The following WDR64 variants were observed in gnomAD, a reference collection of about 807,000 sequenced individuals.
WDR64 encodes the protein WD repeat-containing protein 64.
Under a neutral mutation model 139.3 loss-of-function variants are expected in WDR64, and 112 were observed. That is an observed-to-expected ratio of 0.80 (90% CI 0.69 to 0.94). The LOEUF is 0.94. WDR64 is among the 40% of genes least tolerant of loss of function. WDR64 has a pLI of 0.00. For synonymous variants in WDR64, 444 were observed against 437.7 expected (o/e 1.01, Z -0.18); for missense variants, 1,206 against 1,293.1 (o/e 0.93, Z 1.03).
At position 241,660,664 on chromosome 1, in the gene WDR64, G is replaced by T; in HGVS notation, c.276+4G>T. 6.5e-7 allele frequency: 1 copy of T among 1,548,880 alleles called. No homozygotes were observed. The highest frequency in any genetic ancestry group is 1.7e-4 in the Middle Eastern group (1 of 5,984). On this transcript the variant is annotated splice_donor_region_variant and intron_variant, in intron 2 of 27. Transcript: ENST00000437684. ...TGCATCTGCAGACTGGTGTGAGGTA[G>T]ACTCATTTCATGTTCATAATATGAA...
chr1:241,679,652 G>A lies in WDR64; in HGVS notation c.624+57G>A, dbSNP rs976968882. ...GAGATTGTCTTTTCAGTAGTGGTAC[G>A]ATATGAGCAATCCACTTTCTCTATT... On this transcript the variant is annotated intron_variant, in intron 6 of 27. Coordinates refer to ENST00000437684, the MANE Select transcript of WDR64 (RefSeq NM_001367482.1). 27 of 1,394,914 alleles carry A rather than the reference G, an allele frequency of 1.9e-5. No individual in the cohort carries two copies. In the African/African-American group the frequency reaches 2.1e-4, roughly 11 times the overall value. The allele number at this position is 1,394,914 out of a possible 1,614,324, so 86.4% of individuals were successfully genotyped here. A position where few individuals can be genotyped will look rare whatever the true frequency, so the allele number is the denominator to read the frequency against.
At chr1:241,716,767 C>T (rs1668419865) in intron 9 of WDR64, among the ~76,000 whole-genome samples, 1 of 152,082 alleles carries the variant, frequency 6.6e-6, no homozygotes, top group South Asian at 2.1e-4. Context: ...CACAAAGCCA[C>T]CACATATGAT....
chr1:241,783,133 G>A, intron 22 of WDR64, 139 bp from the exon 23 acceptor site: 1 of 693,024 alleles, frequency 1.4e-6, no homozygotes, highest in Non-Finnish European at 2.4e-6. Flanking sequence ...CTAATTGGGG[G>A]CAAGGACTTA....
intron 16 of WDR64, among the ~76,000 whole-genome samples, chr1:241,768,985 A>G (rs1658303409): frequency 6.6e-6 from 1 of 152,216 alleles, no homozygotes; most frequent in African/African-American, 2.4e-5. Context: ...GTATGAAACC[A>G]GCCCGGCGTG....
intron 22 of WDR64, among the ~76,000 whole-genome samples, chr1:241,782,145 G>T (rs1658867515): frequency 6.6e-6 from 1 of 152,172 alleles, no homozygotes; most frequent in Non-Finnish European, 1.5e-5. Context: ...AAAATTAGCT[G>T]GGCGTGGCGG....
chr1:241,740,547 T>C (rs1345919528), intron 11 of WDR64, among the ~76,000 whole-genome samples: 2 of 152,194 alleles, frequency 1.3e-5, no homozygotes, highest in African/African-American at 4.8e-5. Context: ...TTGGAGAAAC[T>C]TGAGAAACTC....
intron 10 of WDR64, among the ~76,000 whole-genome samples, chr1:241,728,933 T>C (rs9782914): frequency 0.19 from 29,315 of 152,030 alleles, 3,463 homozygotes; most frequent in African/African-American, 0.33. Context: ...TTGGAAGTGG[T>C]ATGTAGAAAC....
chr1:241,690,273 T>G (rs757104496), intron 8 of WDR64, among the ~76,000 whole-genome samples: 1 of 151,772 alleles, frequency 6.6e-6, no homozygotes, highest in Non-Finnish European at 1.5e-5. Context: ...GAGTTAGAGA[T>G]CAGCCTGACC....
chr1:241,762,287 T>A (rs1287617324), intron 15 of WDR64, among the ~76,000 whole-genome samples: 1 of 149,196 alleles, frequency 6.7e-6, no homozygotes, highest in Non-Finnish European at 1.5e-5. Flanking sequence ...CAATGAGCAG[T>A]AATATTTTGA....
intron 11 of WDR64, 134 bp from the exon 12 acceptor site, chr1:241,741,382 A>T (rs1036641722): frequency 3.2e-6 from 2 of 629,186 alleles, no homozygotes; most frequent in Non-Finnish European, 2.5e-6. Flanking sequence ...TCACCTCATT[A>T]CATTTCCTAG....
chr1:241,771,030 C>T (rs1658408043), intron 18 of WDR64, among the ~76,000 whole-genome samples: 2 of 152,072 alleles, frequency 1.3e-5, no homozygotes, highest in South Asian at 4.1e-4. Flanking sequence ...AATGTAAGTA[C>T]TCTTTTGCTA....
intron 6 of WDR64, among the ~76,000 whole-genome samples, chr1:241,681,846 G>C (rs767938744): frequency 1.4e-4 from 21 of 152,084 alleles, no homozygotes; most frequent in Non-Finnish European, 2.5e-4. Flanking sequence ...TCATATTGTG[G>C]TTTTGATTTG....
At chr1:241,729,333 A>G (rs1668986512) in intron 10 of WDR64, among the ~76,000 whole-genome samples, 1 of 152,094 alleles carries the variant, frequency 6.6e-6, no homozygotes, top group Admixed American at 6.5e-5. Flanking sequence ...TCTCTCCCCA[A>G]ACCATCCAGA....
intron 9 of WDR64, among the ~76,000 whole-genome samples, chr1:241,720,336 G>A (rs1668559870): frequency 6.6e-6 from 1 of 152,130 alleles, no homozygotes; most frequent in Non-Finnish European, 1.5e-5. Flanking sequence ...GGATTGCTGG[G>A]TCAAATGGTA....
chr1:241,722,039 GT>G (rs1668631763), intron 9 of WDR64, among the ~76,000 whole-genome samples: 2 of 152,032 alleles, frequency 1.3e-5, no homozygotes, highest in African/African-American at 4.8e-5. Flanking sequence ...GTGTGTGTGT[GT>G]GTGTACATAT....
chr1:241,691,667 T>C (rs1488521433), intron 8 of WDR64, among the ~76,000 whole-genome samples: 1 of 152,232 alleles, frequency 6.6e-6, no homozygotes, highest in African/African-American at 2.4e-5. Context: ...AAGGTTATTA[T>C]ATACAAGTCA....
chr1:241,796,927 G>C (rs367988948), intron 27 of WDR64, among the ~76,000 whole-genome samples: 5 of 152,216 alleles, frequency 3.3e-5, no homozygotes, highest in African/African-American at 1.2e-4. Flanking sequence ...AGCTTATCTA[G>C]ACCTTTATGA....
chr1:241,764,690 A>G (rs908513969), intron 15 of WDR64, among the ~76,000 whole-genome samples: 1 of 152,080 alleles, frequency 6.6e-6, no homozygotes, highest in African/African-American at 2.4e-5. Flanking sequence ...AAAATAATAA[A>G]AGATATAAGG....
At chr1:241,675,249 T>TTCCTCCCTCCCTTCTCCCTCCCTCCC (rs1388286485) in intron 4 of WDR64, among the ~76,000 whole-genome samples, 1 of 95,004 alleles carries the variant, frequency 1.1e-5, no homozygotes, top group Admixed American at 1.1e-4. Context: ...TCCTCCCTCC[T>TTCCTCCCTCCCTTCTCCCTCCCTCCC]TCCTTCCTCC....
Sources: allele counts gnomAD v4.1 joint callset (sites outside exome capture counted in the v4.1 genomes callset), GRCh38; gene constraint gnomAD v4.1.1; transcripts MANE v1.5; gene names NCBI Gene and HGNC (gene_info 2026-07-23, HGNC 2026-07-21).